SIRPA: variants seen among roughly 807,000 people sequenced by gnomAD.
SIRPA encodes tyrosine-protein phosphatase non-receptor type substrate 1.
In SIRPA, 9 loss-of-function variants were observed where a neutral mutation model predicts 50.3. The observed-to-expected ratio is 0.18, with a 90% CI of 0.11 to 0.31. SIRPA has a LOEUF of 0.31. Ranked by LOEUF, SIRPA falls within the 10% of genes least tolerant of loss-of-function variation. SIRPA has a pLI of 1.00. For missense variants in SIRPA, 474 were observed against 661.6 expected (o/e 0.72, Z 3.11); for synonymous variants, 265 against 284.1 (o/e 0.93, Z 0.68).
In SIRPA at chr20:1,928,164, T is replaced by C. The variant is rs893720566; in HGVS notation, c.1226+265T>C. Among the ~76,000 whole-genome samples the C allele has an allele frequency of 3.9e-5, 6 of 152,224 alleles. No individual in the cohort carries two copies. The highest frequency in any genetic ancestry group is 1.4e-4 in the African/African-American group (6 of 41,454). ...GACCCTTGTCTAATCCCATGTGGAC[T>C]GGGGCAGAGACCTCCCGGGCTTTCT... On this transcript the variant is annotated intron_variant, in intron 6 of 7. Coordinates refer to ENST00000358771, the MANE Select transcript of SIRPA (RefSeq NM_001040023.2). The surrounding 1 kb of genome is among the most constrained non-coding windows in gnomAD (Gnocchi z 4.9).
intron 2 of SIRPA, among the ~76,000 whole-genome samples, 160 bp downstream of exon 2, chr20:1,915,615 C>T (rs1005759354): frequency 2.0e-5 from 3 of 152,200 alleles, no homozygotes; most frequent in South Asian, 2.1e-4. Flanking sequence ...GGCCTGAAGA[C>T]GTCATGCTAT....
In SIRPA at chr20:1,936,994, A is replaced by T. The variant is rs959636285; in HGVS notation, c.1267-326A>T. Reference sequence around the variant, plus strand: ...GGACAGACACCCTCGAGGGATGAACATGAGAAATGGGTGAAGACTGCAGGT... The same window carrying T: ...GGACAGACACCCTCGAGGGATGAACTTGAGAAATGGGTGAAGACTGCAGGT... On this transcript the variant is annotated intron_variant, in intron 7 of 7. Coordinates refer to ENST00000358771, the MANE Select transcript of SIRPA (RefSeq NM_001040023.2). This position sits in a 1 kb window ranked among gnomAD's most constrained non-coding sequence, Gnocchi z 4.2. 5.9e-5 allele frequency among the ~76,000 whole-genome samples: 9 copies of T among 152,286 alleles called. No individual in the cohort carries two copies. In the Middle Eastern group the frequency reaches 0.01, roughly 173 times the overall value.
At position 1,927,931 on chromosome 20, in the gene SIRPA, A is replaced by AGTT. The variant is rs1173531717; in HGVS notation, c.1226+33_1226+35dup. 6.2e-7 allele frequency: 1 copy of AGTT among 1,603,472 alleles called. No homozygotes were observed. Among genetic ancestry groups the AGTT allele is most frequent in the Admixed American group, 1.7e-5 (1 of 59,996 alleles). ...GCATCATTGGTCCAGACCCTCTTGC[A>AGTT]GTTATTATTTGGTTATTTGACAGCC... On this transcript the variant is annotated intron_variant, in intron 6 of 7. Transcript: ENST00000358771. This position sits in a 1 kb window ranked among gnomAD's most constrained non-coding sequence, Gnocchi z 6.5.
chr20:1,929,956 C>T (rs1035448689), intron 6 of SIRPA, among the ~76,000 whole-genome samples: 1 of 152,140 alleles, frequency 6.6e-6, no homozygotes, highest in Non-Finnish European at 1.5e-5. Flanking sequence ...CCTGTCCTCA[C>T]ATTTCACGGC....
In SIRPA at chr20:1,898,073, C is replaced by T. The variant is rs971454805; in HGVS notation, c.79+2547C>T. ...TCTGAGTCACCCCCCAGGCCGACCTCAGATAAACTCCCATTCATTTCTTCT... is the reference window on the plus strand; with the variant it reads ...TCTGAGTCACCCCCCAGGCCGACCTTAGATAAACTCCCATTCATTTCTTCT... On this transcript the variant is annotated intron_variant, in intron 1 of 7. Transcript: ENST00000358771. This position sits in a 1 kb window ranked among gnomAD's most constrained non-coding sequence, Gnocchi z 4.3. 6.6e-6 allele frequency among the ~76,000 whole-genome samples: 1 copy of T among 152,222 alleles called. No individual in the cohort carries two copies. The highest frequency in any genetic ancestry group is 1.5e-5 in the Non-Finnish European group (1 of 68,040).
chr20:1,908,214 G>A (rs1984661480), intron 1 of SIRPA, among the ~76,000 whole-genome samples: 1 of 151,984 alleles, frequency 6.6e-6, no homozygotes, highest in Non-Finnish European at 1.5e-5. Flanking sequence ...TGCCCAGCTG[G>A]ACACACTCCC....
chr20:1,901,134 GT>G (rs1160767437), intron 1 of SIRPA, among the ~76,000 whole-genome samples: 1 of 81,180 alleles, frequency 1.2e-5, no homozygotes, highest in Non-Finnish European at 3.3e-5. Flanking sequence ...TCTCATTTTT[GT>G]TTTTGTTTTT....
intron 1 of SIRPA, among the ~76,000 whole-genome samples, chr20:1,896,591 A>G (rs1015948790): frequency 1.2e-4 from 19 of 152,076 alleles, no homozygotes; most frequent in African/African-American, 4.3e-4. Context: ...GAGGGAGGTA[A>G]AGATGAGCTC....
intron 1 of SIRPA, among the ~76,000 whole-genome samples, chr20:1,904,267 A>G (rs1019467524): frequency 5.9e-5 from 9 of 152,232 alleles, no homozygotes; most frequent in Non-Finnish European, 1.3e-4. Flanking sequence ...TGTACTTAAA[A>G]TTCTGGCTAC....
intron 4 of SIRPA, among the ~76,000 whole-genome samples, chr20:1,923,956 G>A (rs982617827): frequency 6.6e-6 from 1 of 151,190 alleles, no homozygotes; most frequent in African/African-American, 2.4e-5. Flanking sequence ...AGTGAAAGAG[G>A]ATAAAAGAGT....
At chr20:1,925,726 G>T (rs556811598) in intron 5 of SIRPA, among the ~76,000 whole-genome samples, 1 of 152,320 alleles carries the variant, frequency 6.6e-6, no homozygotes, top group African/African-American at 2.4e-5. Flanking sequence ...AGCAACGCCT[G>T]TCTTGGAGAA....
chr20:1,895,555 C>T (rs1568490190), intron 1 of SIRPA, 29 bp downstream of exon 1: 3 of 1,400,362 alleles, frequency 2.1e-6, no homozygotes, highest in East Asian at 3.0e-5. Context: ...CCCACCGCTG[C>T]ACTCCCCAAA....
rs3831741 is a variant in SIRPA, at chr20:1,932,053, G to GATTCATTCATTC, written c.1227-2640_1227-2629dup. ...ATGGCACTTAAGAGCCAGTGAGAAA[G>GATTCATTCATTC]ATTCATTCATTCATTCATTCATTCA... On this transcript the variant is annotated intron_variant, in intron 6 of 7. Transcript: ENST00000358771. The surrounding 1 kb of genome is among the most constrained non-coding windows in gnomAD (Gnocchi z 6.0). 5.9e-4 allele frequency among the ~76,000 whole-genome samples: 90 copies of GATTCATTCATTC among 151,536 alleles called. No individual in the cohort carries two copies. Among genetic ancestry groups the GATTCATTCATTC allele is most frequent in the African/African-American group, 1.9e-3 (77 of 41,246 alleles).
chr20:1,935,426 G>C (rs1304404097), intron 7 of SIRPA, among the ~76,000 whole-genome samples: 1 of 152,228 alleles, frequency 6.6e-6, no homozygotes, highest in Non-Finnish European at 1.5e-5. Context: ...CGCGCCAGCT[G>C]TCCTTGACAT....
rs890845581 is a variant in SIRPA, at chr20:1,940,144, CTGCTTTG to C, written c.*2578_*2584del. Reference sequence around the variant, plus strand: ...CAACTGAGTTTGGATCTCGGCTCTGCTGCTTTGTAGCTGTGGGAGTTCAAACAGCACC... The same window carrying C: ...CAACTGAGTTTGGATCTCGGCTCTGCTAGCTGTGGGAGTTCAAACAGCACC... On this transcript the variant is annotated 3_prime_UTR_variant, in exon 8 of 8. Coordinates refer to ENST00000358771, the MANE Select transcript of SIRPA (RefSeq NM_001040023.2). The C allele has an allele frequency of 6.6e-6, 1 of 152,114 alleles. No homozygotes were observed. Among genetic ancestry groups the C allele is most frequent in the Non-Finnish European group, 1.5e-5 (1 of 68,014 alleles). 9.4% of individuals were successfully genotyped at this position (152,114 alleles called of 1,614,324 possible). A position where few individuals can be genotyped will look rare whatever the true frequency, so the allele number is the denominator to read the frequency against.
intron 1 of SIRPA, among the ~76,000 whole-genome samples, chr20:1,907,214 G>T (rs1676131800): frequency 6.6e-6 from 1 of 152,172 alleles, no homozygotes; most frequent in African/African-American, 2.4e-5. Context: ...CTGAGCCCCT[G>T]GGCCAGCTGT....
chr20:1,909,957 A>G (rs769216303), intron 1 of SIRPA, among the ~76,000 whole-genome samples: 59 of 152,174 alleles, frequency 3.9e-4, no homozygotes, highest in Non-Finnish European at 6.9e-4. Context: ...GTGGCATTCA[A>G]TGCAGGTGGT....
Position 1,922,652 on chromosome 20 carries a change from C to G in SIRPA, c.1087+7C>G. On this transcript the variant is annotated splice_region_variant and intron_variant, in intron 4 of 7. Transcript: ENST00000358771. ...GGCTCAAATACCGCCGCTGGTGAGG[C>G]CTCTATTTCAGCTGACCCAGCTTTT... 6.2e-7 allele frequency: 1 copy of G among 1,607,810 alleles called. No individual in the cohort carries two copies. Among genetic ancestry groups the G allele is most frequent in the South Asian group, 1.1e-5 (1 of 90,390 alleles).
At chr20:1,925,082 A>G (rs138564357) in intron 5 of SIRPA, among the ~76,000 whole-genome samples, 172 of 152,200 alleles carry the variant, frequency 1.1e-3, no homozygotes, top group African/African-American at 3.9e-3. Flanking sequence ...TGGTTACAAG[A>G]TGTTCATCAC....
Sources: gnomAD v4.1 joint callset for allele counts (sites outside exome capture counted in the v4.1 genomes callset) on GRCh38, gnomAD v4.1.1 for gene constraint, Gnocchi (gnomAD v3.1) non-coding constraint, MANE v1.5 for transcripts, NCBI Gene and HGNC (gene_info 2026-07-23, HGNC 2026-07-21) for gene names.